The following SLC16A14 variants were observed in gnomAD, a reference collection of about 807,000 sequenced individuals.
SLC16A14 encodes monocarboxylate transporter 14.
SLC16A14 carries 14 observed loss-of-function variants against 35.8 expected under a neutral mutation model. The ratio of observed to expected loss-of-function variants is 0.39; its 90% CI spans 0.26 to 0.61. The LOEUF is 0.61. SLC16A14 is among the 20% of genes least tolerant of loss of function. The pLI is 0.51. For missense variants in SLC16A14, 533 were observed against 655.0 expected (o/e 0.81, Z 2.03); for synonymous variants, 248 against 258.9 (o/e 0.96, Z 0.40).
chr2:230,054,512 C>T (rs1003218121), intron 2 of SLC16A14, among the ~76,000 whole-genome samples: 5 of 152,134 alleles, frequency 3.3e-5, no homozygotes, highest in African/African-American at 1.2e-4. Context: ...TCTTGCAACA[C>T]GTGGATGACT....
intron 2 of SLC16A14, among the ~76,000 whole-genome samples, chr2:230,057,055 G>A (rs772444665): frequency 3.9e-5 from 6 of 151,980 alleles, no homozygotes; most frequent in African/African-American, 1.2e-4. Flanking sequence ...ATTAGAGGCC[G>A]TTTATGTTTC....
chr2:230,049,179 C>T (rs1353692031), intron 3 of SLC16A14, among the ~76,000 whole-genome samples: 1 of 150,924 alleles, frequency 6.6e-6, no homozygotes, highest in African/African-American at 2.4e-5. Flanking sequence ...AAACTATTCT[C>T]ATATCTTAGC....
At position 230,035,978 on chromosome 2, in the gene SLC16A14, C is replaced by T. The variant is rs1416052433; in HGVS notation, c.*1402G>A. ...ATTCCAATTCCTAGTAGCATTCCTG[C>T]GTCTAATTGTGAAGGATAATTGAGA... On this transcript the variant is annotated 3_prime_UTR_variant, in exon 5 of 5. Transcript: ENST00000295190. 1.3e-5 allele frequency: 2 copies of T among 152,548 alleles called. No homozygotes were observed. Among genetic ancestry groups the T allele is most frequent in the Admixed American group, 6.6e-5 (1 of 15,254 alleles). The allele number at this position is 152,548 out of a possible 1,614,324, so 9.4% of individuals were successfully genotyped here.
intron 4 of SLC16A14, among the ~76,000 whole-genome samples, chr2:230,041,582 C>T (rs751618190): frequency 6.6e-5 from 10 of 152,000 alleles, no homozygotes; most frequent in African/African-American, 9.7e-5. Context: ...CGCCCATCTC[C>T]GCCTCTCAAA....
chr2:230,041,437 T>C (rs1006339383), intron 4 of SLC16A14, among the ~76,000 whole-genome samples: 1 of 152,146 alleles, frequency 6.6e-6, no homozygotes, highest in African/African-American at 2.4e-5. Flanking sequence ...AACCTCCGTC[T>C]CCCGGGTTCA....
In SLC16A14 at chr2:230,046,639, G is replaced by C. The variant is rs746670004; in HGVS notation, c.487C>G (p.Leu163Val). ...FQKRRALAQG[L>V]STTGTGFGTF... ...CCGAATCCGGTCCCCGTGGTGCTGA[G>C]GCCCTGGGCGAGGGCGCGTCTCTTC... The change falls in exon 4 of 5, where the codon CTC becomes GTC. Residue 163 changes from leucine (L) to valine (V), a missense_variant. Coordinates refer to ENST00000295190, the MANE Select transcript of SLC16A14 (RefSeq NM_152527.5). The surrounding 1 kb of genome is among the most constrained non-coding windows in gnomAD (Gnocchi z 5.0). The C allele has an allele frequency of 6.2e-7, 1 of 1,610,246 alleles. No individual in the cohort carries two copies. Among genetic ancestry groups the C allele is most frequent in the South Asian group, 1.1e-5 (1 of 91,086 alleles).
intron 3 of SLC16A14, among the ~76,000 whole-genome samples, chr2:230,048,240 G>T (rs1321361802): frequency 6.6e-6 from 1 of 152,114 alleles, no homozygotes; most frequent in African/African-American, 2.4e-5. Flanking sequence ...GGAAACTGAG[G>T]TATAAGTAGG....
At chr2:230,039,872 G>C (rs1231965370) in intron 4 of SLC16A14, among the ~76,000 whole-genome samples, 1 of 152,124 alleles carries the variant, frequency 6.6e-6, no homozygotes, top group African/African-American at 2.4e-5. Context: ...AATCCTACCT[G>C]GCTGGAAAAT....
chr2:230,047,266 A>G (rs1053658294), intron 3 of SLC16A14, among the ~76,000 whole-genome samples: 3 of 149,930 alleles, frequency 2.0e-5, no homozygotes. Flanking sequence ...GGACTATTAT[A>G]GGGAAGAGTT....
intron 1 of SLC16A14, among the ~76,000 whole-genome samples, chr2:230,067,663 C>T (rs2077812883): frequency 6.6e-6 from 1 of 152,054 alleles, no homozygotes; most frequent in Admixed American, 6.6e-5. Flanking sequence ...CAATAATGGC[C>T]CTCAGTCATC....
At position 230,037,166 on chromosome 2, in the gene SLC16A14, A is replaced by G; in HGVS notation, c.*214T>C. 2.8e-6 allele frequency: 1 copy of G among 359,722 alleles called. No homozygotes were observed. The highest frequency in any genetic ancestry group is 5.0e-6 in the Non-Finnish European group (1 of 199,164). 22.3% of individuals were successfully genotyped at this position (359,722 alleles called of 1,614,324 possible). On this transcript the variant is annotated 3_prime_UTR_variant, in exon 5 of 5. Transcript: ENST00000295190. Reference sequence around the variant, plus strand: ...CTTTGAACAACACTGTCATCTCTAGAATGTATGTAGTCCTTAAGATCTTCC... The same window carrying G: ...CTTTGAACAACACTGTCATCTCTAGGATGTATGTAGTCCTTAAGATCTTCC...
Position 230,035,617 on chromosome 2 carries a change from G to A in SLC16A14, c.*1763C>T. On this transcript the variant is annotated 3_prime_UTR_variant, in exon 5 of 5. Transcript: ENST00000295190. The stretch of plus-strand genomic sequence containing the variant: ...GGATTCTTTAACAGCAGCCAAAGCT[G>A]TAATGATAACACATAGGTTGTTGTG... 6.6e-6 allele frequency: 1 copy of A among 152,242 alleles called. No individual in the cohort carries two copies. Among genetic ancestry groups the A allele is most frequent in the East Asian group, 1.9e-4 (1 of 5,208 alleles). The allele number at this position is 152,242 out of a possible 1,614,324, so 9.4% of individuals were successfully genotyped here.
At chr2:230,060,104 G>A (rs557077804) in intron 1 of SLC16A14, among the ~76,000 whole-genome samples, 54 of 152,308 alleles carry the variant, frequency 3.5e-4, no homozygotes, top group African/African-American at 1.3e-3. Flanking sequence ...TAGGGTATCA[G>A]ACTAAGGAGT....
In SLC16A14 at chr2:230,036,004, A is replaced by G. The variant is rs997948566; in HGVS notation, c.*1376T>C. ...GTCTAATTGTGAAGGATAATTGAGA[A>G]TGGGCTGTATTCACTTTAGGTAAAT... is the stretch of plus-strand genomic sequence containing the variant. On this transcript the variant is annotated 3_prime_UTR_variant, in exon 5 of 5. Transcript: ENST00000295190. 1 of 152,630 alleles carries G rather than the reference A, an allele frequency of 6.6e-6. No individual in the cohort carries two copies. Among genetic ancestry groups the G allele is most frequent in the Non-Finnish European group, 1.5e-5 (1 of 68,026 alleles). 9.5% of individuals were successfully genotyped at this position (152,630 alleles called of 1,614,324 possible).
chr2:230,045,340 T>C (rs1314189678), intron 4 of SLC16A14, among the ~76,000 whole-genome samples: 1 of 152,156 alleles, frequency 6.6e-6, no homozygotes, highest in Admixed American at 6.5e-5. Context: ...GGTGGATCAC[T>C]CGAGGTCAGA....
Position 230,036,176 on chromosome 2 carries a change from T to G in SLC16A14, c.*1204A>C, listed in dbSNP as rs1279361669. ...ATGATCTGGGAAGAACATTCTGCAG[T>G]CTGAAAAACGTTTGGCTTAGAAAAA... is the stretch of plus-strand genomic sequence containing the variant. On this transcript the variant is annotated 3_prime_UTR_variant, in exon 5 of 5. Transcript: ENST00000295190. 1 of 152,638 alleles carries G rather than the reference T, an allele frequency of 6.6e-6. No individual in the cohort carries two copies. Among genetic ancestry groups the G allele is most frequent in the Admixed American group, 6.5e-5 (1 of 15,274 alleles). The allele number at this position is 152,638 out of a possible 1,614,324, so 9.5% of individuals were successfully genotyped here.
intron 1 of SLC16A14, among the ~76,000 whole-genome samples, chr2:230,065,881 G>A (rs923555310): frequency 5.3e-5 from 8 of 151,966 alleles, no homozygotes; most frequent in African/African-American, 1.9e-4. Context: ...GTACCCCTAG[G>A]CTCCATGTCT....
chr2:230,039,528 G>A (rs2077543345), intron 4 of SLC16A14, among the ~76,000 whole-genome samples: 1 of 152,150 alleles, frequency 6.6e-6, no homozygotes, highest in African/African-American at 2.4e-5. Context: ...TTACCAGTTG[G>A]CAACTGTGGA....
chr2:230,052,689 A>T (rs994567051), intron 2 of SLC16A14, among the ~76,000 whole-genome samples: 2 of 152,102 alleles, frequency 1.3e-5, no homozygotes, highest in South Asian at 2.1e-4. Flanking sequence ...TTATAAATTT[A>T]AAAAAGTATA....
Sources: gnomAD v4.1 joint callset for allele counts (sites outside exome capture counted in the v4.1 genomes callset) on GRCh38, gnomAD v4.1.1 for gene constraint, Gnocchi (gnomAD v3.1) non-coding constraint, MANE v1.5 for transcripts, NCBI Gene and HGNC (gene_info 2026-07-23, HGNC 2026-07-21) for gene names.